The following KAT2B variants were observed in gnomAD, a reference collection of about 807,000 sequenced individuals.
The protein encoded by KAT2B is lysine acetyltransferase 2B.
In KAT2B, 36 loss-of-function variants were observed where a neutral mutation model predicts 105.9. The ratio of observed to expected loss-of-function variants is 0.34; its 90% CI spans 0.26 to 0.45. The LOEUF is 0.45. KAT2B is among the 20% of genes least tolerant of loss of function. The pLI is 1.00. For synonymous variants in KAT2B, 397 were observed against 377.9 expected (o/e 1.05, Z -0.59); for missense variants, 820 against 1,021.6 (o/e 0.80, Z 2.69).
Position 20,152,571 on chromosome 3 carries a change from T to A in KAT2B, c.*46T>A. The A allele has an allele frequency of 1.4e-6, 2 of 1,474,052 alleles. No individual in the cohort carries two copies. Among genetic ancestry groups the A allele is most frequent in the Non-Finnish European group, 1.9e-6 (2 of 1,066,304 alleles). The allele number at this position is 1,474,052 out of a possible 1,614,324, so 91.3% of individuals were successfully genotyped here. On this transcript the variant is annotated 3_prime_UTR_variant, in exon 18 of 18. Coordinates refer to ENST00000263754, the MANE Select transcript of KAT2B (RefSeq NM_003884.5). ...TTAGAAACTCACCAAGCAGTGTGCC[T>A]AAAGCAAGGTGGTTTAGTTTTTTAC...
chr3:20,125,731 A>T (rs1699390509), intron 9 of KAT2B, among the ~76,000 whole-genome samples, 174 bp from the exon 10 acceptor site: 1 of 151,966 alleles, frequency 6.6e-6, no homozygotes, highest in Non-Finnish European at 1.5e-5. Flanking sequence ...TGTCTTCATA[A>T]CTTGTATGTG....
At chr3:20,055,781 C>G (rs566217982) in intron 1 of KAT2B, among the ~76,000 whole-genome samples, 4 of 152,168 alleles carry the variant, frequency 2.6e-5, no homozygotes, top group African/African-American at 9.7e-5. Context: ...TTTCCATCCC[C>G]CTAGAAAATT....
chr3:20,138,920 G>T (rs1313665030), intron 12 of KAT2B, among the ~76,000 whole-genome samples: 1 of 152,080 alleles, frequency 6.6e-6, no homozygotes, highest in Non-Finnish European at 1.5e-5. Context: ...TTGAGACAGG[G>T]TCTTACACTG....
intron 3 of KAT2B, among the ~76,000 whole-genome samples, chr3:20,098,480 T>G (rs1698851887): frequency 6.6e-6 from 1 of 152,150 alleles, no homozygotes; most frequent in South Asian, 2.1e-4. Flanking sequence ...ACCATGAAGA[T>G]TGTCTGTTGA....
chr3:20,148,163 A>G lies in KAT2B; in HGVS notation c.2157-80A>G. 9 of 1,416,032 alleles carry G rather than the reference A, an allele frequency of 6.4e-6. No individual in the cohort carries two copies. In the South Asian group the frequency reaches 9.5e-5, roughly 15 times the overall value. 87.7% of individuals were successfully genotyped at this position (1,416,032 alleles called of 1,614,324 possible). On this transcript the variant is annotated intron_variant, in intron 15 of 17. Coordinates refer to ENST00000263754, the MANE Select transcript of KAT2B (RefSeq NM_003884.5). ...AATGGTTCCAATTTCAGGTTTTTGTAAGAATGAGCTGAATAGTAATCAGCT... is the reference window on the plus strand; with the variant it reads ...AATGGTTCCAATTTCAGGTTTTTGTGAGAATGAGCTGAATAGTAATCAGCT...
At chr3:20,119,802 C>A in intron 8 of KAT2B, 79 bp downstream of exon 8, 1 of 1,481,508 alleles carries the variant, frequency 6.7e-7, no homozygotes, top group Non-Finnish European at 9.3e-7. Context: ...AAAAGGTAGA[C>A]TTGAACCAAG....
intron 5 of KAT2B, among the ~76,000 whole-genome samples, chr3:20,102,491 C>T (rs1698928370): frequency 6.6e-6 from 1 of 152,110 alleles, no homozygotes; most frequent in Non-Finnish European, 1.5e-5. Context: ...TCAAACATTT[C>T]ACAGGTTACA....
intron 10 of KAT2B, among the ~76,000 whole-genome samples, chr3:20,126,821 C>CAAA (rs754659716): frequency 0.22 from 18,625 of 85,362 alleles, 1,627 homozygotes; most frequent in East Asian, 0.29. Flanking sequence ...AACTCCATTT[C>CAAA]AAAAAAAAAA....
At chr3:20,105,372 A>G (rs1027891040) in intron 5 of KAT2B, among the ~76,000 whole-genome samples, 2 of 152,200 alleles carry the variant, frequency 1.3e-5, no homozygotes, top group African/African-American at 2.4e-5. Context: ...TTAAAATACA[A>G]CTGTCCAACA....
At chr3:20,044,058 G>T (rs1442726371) in intron 1 of KAT2B, among the ~76,000 whole-genome samples, 1 of 139,174 alleles carries the variant, frequency 7.2e-6, no homozygotes, top group Non-Finnish European at 1.6e-5. Flanking sequence ...ACACCCCAGA[G>T]AATAGAAAAA....
At position 20,153,655 on chromosome 3, in the gene KAT2B, A is replaced by C. The variant is rs1235464925; in HGVS notation, c.*1130A>C. 6.6e-6 allele frequency: 1 copy of C among 152,584 alleles called. No homozygotes were observed. Among genetic ancestry groups the C allele is most frequent in the Non-Finnish European group, 1.5e-5 (1 of 68,006 alleles). The allele number at this position is 152,584 out of a possible 1,614,324, so 9.5% of individuals were successfully genotyped here. A position where few individuals can be genotyped will look rare whatever the true frequency, so the allele number is the denominator to read the frequency against. ...GGATTCCAGTTTAGTGCTTGGATTT[A>C]TTTCCTGATTACACTACATAGAAAA... On this transcript the variant is annotated 3_prime_UTR_variant, in exon 18 of 18. Coordinates refer to ENST00000263754, the MANE Select transcript of KAT2B (RefSeq NM_003884.5).
chr3:20,116,223 C>G (rs1438306569), intron 7 of KAT2B, among the ~76,000 whole-genome samples: 1 of 152,106 alleles, frequency 6.6e-6, no homozygotes, highest in East Asian at 1.9e-4. Flanking sequence ...TCTGTGGTTA[C>G]TGGACATATC....
At chr3:20,111,476 G>T in intron 5 of KAT2B, 120 bp from the exon 6 acceptor site, 1 of 739,512 alleles carries the variant, frequency 1.4e-6, no homozygotes, top group Middle Eastern at 4.1e-4. Flanking sequence ...ATTGTTGCTT[G>T]TTATTGCAGG....
intron 2 of KAT2B, among the ~76,000 whole-genome samples, chr3:20,089,549 C>T (rs13326027): frequency 0.028 from 4,259 of 151,800 alleles, 176 homozygotes; most frequent in African/African-American, 0.096. Context: ...TACAGGCGTG[C>T]GCCACCATGC....
Position 20,047,204 on chromosome 3 carries a change from C to T in KAT2B, c.303+6424C>T, listed in dbSNP as rs558043009. ...GTAGCTGGGAGGCTACTTGGCCAGG[C>T]GCACGTCACCATGGCCGGCTAATTT... On this transcript the variant is annotated intron_variant, in intron 1 of 17. Transcript: ENST00000263754. Among the ~76,000 whole-genome samples the T allele has an allele frequency of 3.9e-4, 59 of 151,364 alleles. No homozygotes were observed. The East Asian group carries it at 0.01, about 26-fold the overall frequency.
chr3:20,125,237 G>A (rs540411852), intron 9 of KAT2B, among the ~76,000 whole-genome samples: 3 of 151,404 alleles, frequency 2.0e-5, no homozygotes, highest in Admixed American at 2.0e-4. Context: ...CCCGGGAGGC[G>A]GAGCTTGCAG....
Position 20,121,732 on chromosome 3 carries a change from A to ATGTGTGTG in KAT2B, c.1277-892_1277-885dup, listed in dbSNP as rs3840188. On this transcript the variant is annotated intron_variant, in intron 8 of 17. Transcript: ENST00000263754. ...TATATGCATACATACACATATGCAT[A>ATGTGTGTG]TGTGTGTGTGTGTGTGTGTGTGTGT... 1.8e-3 allele frequency among the ~76,000 whole-genome samples: 195 copies of ATGTGTGTG among 109,838 alleles called. 1 individual carries two copies. Among genetic ancestry groups the ATGTGTGTG allele is most frequent in the Middle Eastern group, 4.5e-3 (1 of 222 alleles). The allele number at this position is 109,838 out of a possible 152,430, so 72.1% of individuals were successfully genotyped here. A position where few individuals can be genotyped will look rare whatever the true frequency, so the allele number is the denominator to read the frequency against.
At chr3:20,047,256 C>T (rs1314795449) in intron 1 of KAT2B, among the ~76,000 whole-genome samples, 2 of 151,950 alleles carry the variant, frequency 1.3e-5, no homozygotes, top group Non-Finnish European at 2.9e-5. Context: ...GATGTTTCGC[C>T]AACCTGGGTT....
chr3:20,066,479 A>G (rs901077606), intron 1 of KAT2B, among the ~76,000 whole-genome samples: 1 of 152,086 alleles, frequency 6.6e-6, no homozygotes, highest in Admixed American at 6.5e-5. Flanking sequence ...GCTTACTGCA[A>G]CTTTGGCCTC....
Sources: allele counts gnomAD v4.1 joint callset (sites outside exome capture counted in the v4.1 genomes callset), GRCh38; gene constraint gnomAD v4.1.1; transcripts MANE v1.5; gene names NCBI Gene and HGNC (gene_info 2026-07-23, HGNC 2026-07-21).